Variants in RPS6KA2 observed in about 807,000 individuals in gnomAD.
RPS6KA2 encodes ribosomal protein S6 kinase alpha-2.
Under a neutral mutation model 91.8 loss-of-function variants are expected in RPS6KA2, and 42 were observed. The observed-to-expected ratio is 0.46, with a 90% CI of 0.36 to 0.59. The LOEUF (loss-of-function observed/expected upper bound fraction) is 0.59. Among genes scored for constraint, RPS6KA2 ranks in the 20% least tolerant of loss-of-function variants. The probability of loss-of-function intolerance (pLI) is 0.00; values close to 1 mark genes in which losing one functional copy is unlikely to be tolerated. For missense variants in RPS6KA2, 798 were observed against 978.5 expected, an observed-to-expected ratio of 0.82 and a Z score of 2.46; for synonymous variants, 414 against 393.6, an observed-to-expected ratio of 1.05 and a Z score of -0.61.
intron 1 of RPS6KA2, among the ~76,000 whole-genome samples, chr6:166,592,592 C>G (rs545893268): frequency 6.6e-6 from 1 of 152,148 alleles, no homozygotes; most frequent in South Asian, 2.1e-4. Context: ...TGAATCAGCG[C>G]CTGTCCTTAT....
chr6:166,672,249 C>T (rs11752332), intron 2 of RPS6KA2, among the ~76,000 whole-genome samples: 35,710 of 151,994 alleles, frequency 0.23, 4,546 homozygotes, highest in African/African-American at 0.33. Context: ...ACAAGTCCCA[C>T]GCACACACTG....
chr6:166,696,372 C>T (rs1055464744), intron 2 of RPS6KA2, among the ~76,000 whole-genome samples: 1 of 152,166 alleles, frequency 6.6e-6, no homozygotes, highest in Admixed American at 6.5e-5. Flanking sequence ...CAGATGATTT[C>T]TCCAAGTTTA....
rs189609254 is a variant in RPS6KA2, at chr6:166,490,638, G to A, written c.818+33C>T. On this transcript the variant is annotated intron_variant, in intron 9 of 20. Coordinates refer to ENST00000265678, the MANE Select transcript of RPS6KA2 (RefSeq NM_021135.6). This position sits in a 1 kb window ranked among gnomAD's most constrained non-coding sequence, Gnocchi z 4.2. ...CAGCTCTTGATATCAGAAGGTGCTC[G>A]CAGGTCTCTGGGGTGGCTCCCACAC... 7.1e-5 allele frequency: 105 copies of A among 1,484,710 alleles called. No homozygotes were observed. The highest frequency in any genetic ancestry group is 9.7e-5 in the African/African-American group (7 of 72,142). The allele number at this position is 1,484,710 out of a possible 1,614,324, so 92.0% of individuals were successfully genotyped here.
intron 1 of RPS6KA2, among the ~76,000 whole-genome samples, chr6:166,605,804 AG>A (rs1785933146): frequency 6.6e-6 from 1 of 152,246 alleles, no homozygotes; most frequent in Admixed American, 6.5e-5. Flanking sequence ...GCAAATCAAA[AG>A]ATTGTTTTCT....
chr6:166,793,740 A>G (rs142349138), intron 2 of RPS6KA2, among the ~76,000 whole-genome samples: 28,079 of 152,134 alleles, frequency 0.18, 2,942 homozygotes, highest in African/African-American at 0.28. Context: ...CCTGACAAAA[A>G]CAAGAAATGG....
chr6:166,409,511 G>T lies in RPS6KA2; in HGVS notation c.*3251C>A, dbSNP rs1260603246. 2 of 152,452 alleles carry T rather than the reference G, an allele frequency of 1.3e-5. No individual in the cohort carries two copies. The highest frequency in any genetic ancestry group is 2.9e-5 in the Non-Finnish European group (2 of 68,046). The allele number at this position is 152,452 out of a possible 1,614,324, so 9.4% of individuals were successfully genotyped here. A position where few individuals can be genotyped will look rare whatever the true frequency, so the allele number is the denominator to read the frequency against. ...TACAAAGCAGGAACATAAAAATGATGTGTAAACATAACTGCTGAGCCAGTG... is the reference window on the plus strand; with the variant it reads ...TACAAAGCAGGAACATAAAAATGATTTGTAAACATAACTGCTGAGCCAGTG... On this transcript the variant is annotated 3_prime_UTR_variant, in exon 21 of 21. Transcript: ENST00000265678.
chr6:166,834,401 C>T (rs1780265459), intron 2 of RPS6KA2, among the ~76,000 whole-genome samples: 1 of 149,526 alleles, frequency 6.7e-6, no homozygotes, highest in African/African-American at 2.4e-5. Context: ...TAAATGGGAG[C>T]TAAATGATGA....
intron 1 of RPS6KA2, among the ~76,000 whole-genome samples, chr6:166,589,799 G>T (rs950674990): frequency 2.0e-5 from 3 of 152,124 alleles, no homozygotes; most frequent in African/African-American, 7.2e-5. Flanking sequence ...CAGATTTGTT[G>T]GAAACATTTT....
At chr6:166,556,521 T>C (rs998758900) in intron 1 of RPS6KA2, among the ~76,000 whole-genome samples, 6 of 152,186 alleles carry the variant, frequency 3.9e-5, no homozygotes, top group Non-Finnish European at 5.9e-5. Context: ...TGGGTTGTGG[T>C]TGGGAACCAC....
intron 2 of RPS6KA2, among the ~76,000 whole-genome samples, chr6:166,532,958 CA>C (rs1783342112): frequency 6.6e-6 from 1 of 152,146 alleles, no homozygotes; most frequent in South Asian, 2.1e-4. Context: ...GACACAGGCA[CA>C]AGCCCTTCTC....
At chr6:166,530,570 T>C (rs1463154729) in intron 3 of RPS6KA2, among the ~76,000 whole-genome samples, 1 of 152,194 alleles carries the variant, frequency 6.6e-6, no homozygotes, top group East Asian at 1.9e-4. Context: ...CCCGGCGCTG[T>C]GTGTTCAATC....
At chr6:166,595,576 C>G (rs1476002945) in intron 1 of RPS6KA2, among the ~76,000 whole-genome samples, 1 of 152,222 alleles carries the variant, frequency 6.6e-6, no homozygotes, top group Non-Finnish European at 1.5e-5. Flanking sequence ...GCAGTCACAG[C>G]TGGTTCTATT....
At chr6:166,788,799 A>G (rs1354890740) in intron 2 of RPS6KA2, among the ~76,000 whole-genome samples, 1 of 152,206 alleles carries the variant, frequency 6.6e-6, no homozygotes, top group East Asian at 1.9e-4. Context: ...ACATGTATGT[A>G]TATGTACCAA....
chr6:166,760,591 C>T (rs1482504558), intron 2 of RPS6KA2, among the ~76,000 whole-genome samples: 1 of 152,216 alleles, frequency 6.6e-6, no homozygotes, highest in Non-Finnish European at 1.5e-5. Flanking sequence ...GTGCAAGCCA[C>T]GGAAAGCTTG....
At chr6:166,743,482 G>A (rs1310634891) in intron 2 of RPS6KA2, among the ~76,000 whole-genome samples, 2 of 152,194 alleles carry the variant, frequency 1.3e-5, no homozygotes, top group Non-Finnish European at 2.9e-5. Flanking sequence ...GACACAGTTG[G>A]GCAGGTGCTT....
chr6:166,621,196 T>A (rs1354087276), intron 1 of RPS6KA2, among the ~76,000 whole-genome samples: 1 of 152,234 alleles, frequency 6.6e-6, no homozygotes, highest in Non-Finnish European at 1.5e-5. Flanking sequence ...CATATGCAAA[T>A]GACTGCATAA....
chr6:166,746,835 G>A (rs180778903), intron 2 of RPS6KA2, among the ~76,000 whole-genome samples: 26 of 152,290 alleles, frequency 1.7e-4, no homozygotes, highest in African/African-American at 6.3e-4. Flanking sequence ...TTCCCTCCTT[G>A]TCTTCAACTA....
intron 1 of RPS6KA2, among the ~76,000 whole-genome samples, chr6:166,614,031 C>T (rs1343191024): frequency 6.6e-6 from 1 of 152,214 alleles, no homozygotes; most frequent in Non-Finnish European, 1.5e-5. Context: ...CCAGTCAGCT[C>T]AGGAACCAGG....
chr6:166,690,662 G>T (rs1436884118), intron 2 of RPS6KA2, among the ~76,000 whole-genome samples: 1 of 152,206 alleles, frequency 6.6e-6, no homozygotes. Flanking sequence ...GGCAGGAGGG[G>T]ACGGGGGCTC....
Sources: allele counts gnomAD v4.1 joint callset (sites outside exome capture counted in the v4.1 genomes callset), GRCh38; gene constraint gnomAD v4.1.1; non-coding constraint Gnocchi (gnomAD v3.1); transcripts MANE v1.5; gene names NCBI Gene and HGNC (gene_info 2026-07-23, HGNC 2026-07-21).